The following ISM1 variants were observed in gnomAD, a reference collection of about 807,000 sequenced individuals.
The protein encoded by ISM1 is isthmin-1.
A neutral mutation model predicts 46.3 loss-of-function variants in ISM1; 25 were observed. The ratio of observed to expected loss-of-function variants is 0.54; its 90% CI spans 0.39 to 0.75. ISM1 has a LOEUF of 0.75. ISM1 is among the 30% of genes least tolerant of loss of function. The pLI is 0.00. For missense variants in ISM1, 536 were observed against 625.4 expected, an observed-to-expected ratio of 0.86 and a Z score of 1.52; for synonymous variants, 255 against 256.7, an observed-to-expected ratio of 0.99 and a Z score of 0.06.
the ISM1 span, among the ~76,000 whole-genome samples, chr20:13,309,770 T>A: frequency 1.3e-5 from 2 of 151,744 alleles, no homozygotes; most frequent in African/African-American, 4.8e-5. Flanking sequence ...AAAATTAACA[T>A]AAAAAAATCA....
At chr20:13,283,540 A>C (rs1219358595) in intron 3 of ISM1, among the ~76,000 whole-genome samples, 1 of 152,224 alleles carries the variant, frequency 6.6e-6, no homozygotes, top group Non-Finnish European at 1.5e-5. Flanking sequence ...TACAAAATAC[A>C]CAACAGAAGA....
At chr20:13,274,416 T>C (rs1199479044) in intron 2 of ISM1, among the ~76,000 whole-genome samples, 4 of 152,160 alleles carry the variant, frequency 2.6e-5, no homozygotes, top group Non-Finnish European at 5.9e-5. Flanking sequence ...TAGGTCAGCT[T>C]CCGCTGCCAG....
chr20:13,311,259 A>AGATAGAT, the ISM1 span, among the ~76,000 whole-genome samples: 1 of 115,354 alleles, frequency 8.7e-6, no homozygotes, highest in African/African-American at 3.2e-5. Context: ...ATAGATAGAT[A>AGATAGAT]GATAGATAGA....
chr20:13,323,694 T>A, the ISM1 span, among the ~76,000 whole-genome samples: 24 of 152,334 alleles, frequency 1.6e-4, no homozygotes, highest in Middle Eastern at 3.4e-3. Context: ...TGTCATGGAC[T>A]ACTCCCAGAG....
chr20:13,279,793 T>C lies in ISM1; in HGVS notation c.538T>C (p.Tyr180His). ...RANSGDQDYKYDSTSDDSNFL... is the reference protein window; with the variant it reads ...RANSGDQDYKHDSTSDDSNFL... ...AAACAGCGGGGACCAGGACTACAAG[T>C]ACGACAGTACCTCAGACGACAGCAA... Residue 180 changes from tyrosine (Y) to histidine (H), a missense_variant, in exon 3 of 6, where the codon TAC becomes CAC. Tyr to His is a moderately conservative substitution (Grantham distance 83). This residue lies in a region of ISM1 where 367 missense variants were observed against 376.1 expected (regional missense o/e 0.98). Coordinates refer to ENST00000262487, the MANE Select transcript of ISM1 (RefSeq NM_080826.2). The C allele has an allele frequency of 1.2e-6, 2 of 1,613,960 alleles. No homozygotes were observed. The highest frequency in any genetic ancestry group is 8.5e-7 in the Non-Finnish European group (1 of 1,179,884).
In ISM1 at chr20:13,299,273, C is replaced by T. The variant is rs762717119; in HGVS notation, c.1209C>T (p.Pro403=). 3 of 1,610,898 alleles carry T rather than the reference C, an allele frequency of 1.9e-6. No individual in the cohort carries two copies. The South Asian group carries it at 3.3e-5, about 18-fold the overall frequency. The change falls in exon 6 of 6, where the codon CCC becomes CCT. Residue 403 remains proline, a synonymous_variant. Transcript: ENST00000262487. This position sits in a 1 kb window ranked among gnomAD's most constrained non-coding sequence, Gnocchi z 5.8. ...CCAGGGGCAAGGGGGCGGGCACGCC[C>T]AACCTCATCAGCACCGAGTTCTCCG... The part of the protein sequence containing the change: ...LITRGKGAGT[P]NLISTEFSAE...
chr20:13,292,427 A>C lies in ISM1; in HGVS notation c.841A>C (p.Ser281Arg). 1 of 1,606,246 alleles carries C rather than the reference A, an allele frequency of 6.2e-7. No individual in the cohort carries two copies. The highest frequency in any genetic ancestry group is 2.2e-5 in the East Asian group (1 of 44,738). The change falls in exon 5 of 6, where the codon AGC becomes CGC. Residue 281 changes from serine to arginine, a missense_variant. Ser to Arg is a moderately radical substitution (Grantham distance 110, BLOSUM62 -1). This residue lies in a region of ISM1 where 367 missense variants were observed against 376.1 expected (regional missense o/e 0.98). Coordinates refer to ENST00000262487, the MANE Select transcript of ISM1 (RefSeq NM_080826.2). The stretch of plus-strand genomic sequence containing the variant: ...CACCGAAGTGAGTCTGCTTGCGGGA[A>C]GCGAGGAGTTTAATGCCACCAAACT... ...AATEVSLLAG[S>R]EEFNATKLFE...
chr20:13,275,647 G>C (rs1261025672), intron 2 of ISM1, among the ~76,000 whole-genome samples: 3 of 152,186 alleles, frequency 2.0e-5, no homozygotes, highest in African/African-American at 4.8e-5. Context: ...CAGCTATGTA[G>C]TATAATACTA....
At chr20:13,245,093 T>C (rs192902005) in intron 1 of ISM1, 3 of 152,354 alleles carry the variant, frequency 2.0e-5, no homozygotes, top group Admixed American at 2.0e-4. Flanking sequence ...CCACCCCATG[T>C]TGGTTAAATA....
chr20:13,272,611 T>C (rs551957810), intron 2 of ISM1, among the ~76,000 whole-genome samples: 10 of 152,230 alleles, frequency 6.6e-5, no homozygotes, highest in Non-Finnish European at 1.5e-4. Flanking sequence ...TGACAACCCA[T>C]GCACAGAAAT....
chr20:13,253,683 C>G (rs2039892116), intron 1 of ISM1, among the ~76,000 whole-genome samples: 1 of 152,090 alleles, frequency 6.6e-6, no homozygotes. Context: ...AAACACATTT[C>G]CAGGCGATTC....
the ISM1 span, among the ~76,000 whole-genome samples, chr20:13,326,478 T>C: frequency 2.1e-3 from 327 of 152,288 alleles, 1 homozygote; most frequent in African/African-American, 7.4e-3. Flanking sequence ...TATGTGAGTG[T>C]TCCATACATA....
the ISM1 span, among the ~76,000 whole-genome samples, chr20:13,310,333 T>C: frequency 0.65 from 98,933 of 152,002 alleles, 32,531 homozygotes; most frequent in African/African-American, 0.74. Context: ...GAAAGGGTGG[T>C]CTCTTCAATA....
Position 13,299,571 on chromosome 20 carries a change from A to C in ISM1, c.*112A>C. On this transcript the variant is annotated 3_prime_UTR_variant, in exon 6 of 6. Coordinates refer to ENST00000262487, the MANE Select transcript of ISM1 (RefSeq NM_080826.2). The surrounding 1 kb of genome is among the most constrained non-coding windows in gnomAD (Gnocchi z 5.8). ...CATAGCTGCGGTCGTGTATATTTGT[A>C]TATACCACATGAGTATTTCTCATAC... is the stretch of plus-strand genomic sequence containing the variant. 1 of 980,728 alleles carries C rather than the reference A, an allele frequency of 1.0e-6. No homozygotes were observed. Among genetic ancestry groups the C allele is most frequent in the Non-Finnish European group, 1.5e-6 (1 of 659,096 alleles). The allele number at this position is 980,728 out of a possible 1,614,324, so 60.8% of individuals were successfully genotyped here.
chr20:13,294,772 G>A (rs1244344132), intron 5 of ISM1, among the ~76,000 whole-genome samples: 2 of 152,202 alleles, frequency 1.3e-5, no homozygotes, highest in African/African-American at 4.8e-5. Flanking sequence ...ACACTCTTGG[G>A]TGCACCCTCT....
the ISM1 span, among the ~76,000 whole-genome samples, chr20:13,311,220 AGATAGATAGATAGATAGATAGAT>A: frequency 1.5e-4 from 16 of 108,456 alleles, no homozygotes; most frequent in Admixed American, 7.5e-4. Context: ...GATAGATGAT[AGATAGATAGATAGATAGATAGAT>A]GATAGATAGA....
At chr20:13,292,979 G>A (rs767092921) in intron 5 of ISM1, among the ~76,000 whole-genome samples, 2 of 151,894 alleles carry the variant, frequency 1.3e-5, no homozygotes, top group African/African-American at 2.4e-5. Flanking sequence ...GGCAGATCAC[G>A]AGGTCAGGAG....
At chr20:13,294,141 G>A (rs1259825920) in intron 5 of ISM1, among the ~76,000 whole-genome samples, 1 of 152,124 alleles carries the variant, frequency 6.6e-6, no homozygotes, top group African/African-American at 2.4e-5. Context: ...GATGTTCTGG[G>A]TTTCTAAGAG....
At chr20:13,232,174 A>G (rs1191008052) in intron 1 of ISM1, among the ~76,000 whole-genome samples, 1 of 152,216 alleles carries the variant, frequency 6.6e-6, no homozygotes, top group African/African-American at 2.4e-5. Flanking sequence ...AGCTTTGTTG[A>G]AGTGCAATTG....
Sources: allele counts gnomAD v4.1 joint callset (sites outside exome capture counted in the v4.1 genomes callset), GRCh38; gene constraint gnomAD v4.1.1; regional missense constraint gnomAD v4.1.1; non-coding constraint Gnocchi (gnomAD v3.1); transcripts MANE v1.5; gene names NCBI Gene and HGNC (gene_info 2026-07-23, HGNC 2026-07-21).